Variants in TFEB observed in about 807,000 individuals in gnomAD.
TFEB encodes T-cell transcription factor EB.
Under a neutral mutation model 48.0 loss-of-function variants are expected in TFEB, and 12 were observed. The observed-to-expected ratio is 0.25, with a 90% CI of 0.16 to 0.40. The LOEUF is 0.40. Among genes scored for constraint, TFEB ranks in the 10% least tolerant of loss-of-function variants. TFEB has a pLI of 1.00. For missense variants in TFEB, 509 were observed against 640.3 expected, an observed-to-expected ratio of 0.79 and a Z score of 2.21; for synonymous variants, 244 against 261.4, an observed-to-expected ratio of 0.93 and a Z score of 0.64.
chr6:41,687,272 C>T, intron 6 of TFEB, 103 bp from the exon 7 acceptor site: 2 of 963,592 alleles, frequency 2.1e-6, no homozygotes, highest in Non-Finnish European at 3.3e-6. Flanking sequence ...GGGCAGCCTG[C>T]AGCTTAGATT....
At chr6:41,688,985 C>T (rs778811707) in intron 4 of TFEB, among the ~76,000 whole-genome samples, 2 of 152,226 alleles carry the variant, frequency 1.3e-5, no homozygotes, top group African/African-American at 4.8e-5. Flanking sequence ...GGCAATCCCA[C>T]CTGCCCAGCG....
intron 1 of TFEB, among the ~76,000 whole-genome samples, chr6:41,700,211 A>C (rs1207445040): frequency 1.3e-5 from 2 of 150,706 alleles, no homozygotes; most frequent in Non-Finnish European, 2.9e-5. Context: ...TCACGCCTGT[A>C]ATCCCAGCAC....
rs1315961581 is a variant in TFEB, at chr6:41,734,715, C to G, written c.-23+635G>C. 6.6e-6 allele frequency among the ~76,000 whole-genome samples: 1 copy of G among 151,028 alleles called. No homozygotes were observed. ...GGGAGAAAGAGACTGCCCAGGGACT[C>G]GAGGGGACGGGGCCAGGGGCGGCTT... is the stretch of plus-strand genomic sequence containing the variant. On this transcript the variant is annotated intron_variant, in intron 1 of 8. Transcript: ENST00000373033. This position sits in a 1 kb window ranked among gnomAD's most constrained non-coding sequence, Gnocchi z 4.0.
intron 1 of TFEB, among the ~76,000 whole-genome samples, chr6:41,702,443 G>A (rs1160408543): frequency 6.6e-6 from 1 of 152,222 alleles, no homozygotes; most frequent in African/African-American, 2.4e-5. Context: ...AGGGTTGGGG[G>A]AGGAGTGGGA....
At chr6:41,733,579 C>A in intron 1 of TFEB, 2 of 981,418 alleles carry the variant, frequency 2.0e-6, no homozygotes, top group Non-Finnish European at 2.4e-6. Flanking sequence ...CCGGGCCCCG[C>A]GGCCAGGAGG....
At chr6:41,685,136 C>A (rs1348901899) in intron 8 of TFEB, 58 bp from the exon 9 acceptor site, 2 of 1,380,252 alleles carry the variant, frequency 1.4e-6, no homozygotes, top group African/African-American at 1.5e-5. Flanking sequence ...GCCACCAGGA[C>A]CCCTCCCCTG....
In TFEB at chr6:41,735,504, CCGCCGCCGTCGG is replaced by C. The variant is rs971224540; in HGVS notation, c.-189_-178del. 1.8e-4 allele frequency: 176 copies of C among 984,656 alleles called. 1 individual carries two copies. In the African/African-American group the frequency reaches 2.6e-3, roughly 15 times the overall value. The allele number at this position is 984,656 out of a possible 1,614,324, so 61.0% of individuals were successfully genotyped here. A position where few individuals can be genotyped will look rare whatever the true frequency, so the allele number is the denominator to read the frequency against. On this transcript the variant is annotated 5_prime_UTR_variant, in exon 1 of 9. Coordinates refer to ENST00000373033, the MANE Select transcript of TFEB (RefSeq NM_001271944.2). ...GGGAGGCCCGCCCCGTCCGCCCTTC[CCGCCGCCGTCGG>C]CGCCGCGGCCGCTCCCTGCGTCCCG... is the stretch of plus-strand genomic sequence containing the variant.
rs1771059916 is a variant in TFEB, at chr6:41,723,282, T to C, written c.-23+12068A>G. Among the ~76,000 whole-genome samples the C allele has an allele frequency of 7.0e-6, 1 of 143,388 alleles. No homozygotes were observed. Among genetic ancestry groups the C allele is most frequent in the African/African-American group, 2.6e-5 (1 of 37,794 alleles). The allele number at this position is 143,388 out of a possible 152,430, so 94.1% of individuals were successfully genotyped here. A position where few individuals can be genotyped will look rare whatever the true frequency, so the allele number is the denominator to read the frequency against. On this transcript the variant is annotated intron_variant, in intron 1 of 8. Coordinates refer to ENST00000373033, the MANE Select transcript of TFEB (RefSeq NM_001271944.2). The surrounding 1 kb of genome is among the most constrained non-coding windows in gnomAD (Gnocchi z 6.0). The stretch of plus-strand genomic sequence containing the variant: ...AGACCCCCACCCCTCCCCAAAGACA[T>C]CCCAATGCCAGTGCAGCCTGAGGGG...
intron 1 of TFEB, among the ~76,000 whole-genome samples, chr6:41,714,688 C>T: frequency 6.6e-6 from 1 of 152,192 alleles, no homozygotes; most frequent in Non-Finnish European, 1.5e-5. Flanking sequence ...AGGGGACCCC[C>T]ATCCCGAGGG....
At chr6:41,725,748 A>T (rs994609024) in intron 1 of TFEB, among the ~76,000 whole-genome samples, 9 of 152,248 alleles carry the variant, frequency 5.9e-5, no homozygotes, top group Non-Finnish European at 1.0e-4. Context: ...GTCAGCAAAC[A>T]TACCCCAAAA....
chr6:41,701,294 G>A (rs890194940), intron 1 of TFEB, among the ~76,000 whole-genome samples: 7 of 152,292 alleles, frequency 4.6e-5, no homozygotes, highest in African/African-American at 1.7e-4. Flanking sequence ...CCCTGCACCC[G>A]CCTCCTGGGC....
intron 8 of TFEB, among the ~76,000 whole-genome samples, chr6:41,685,358 A>G (rs45464392): frequency 0.014 from 2,105 of 152,350 alleles, 48 homozygotes; most frequent in African/African-American, 0.047. Flanking sequence ...CTAGACTAGA[A>G]TAGAAATTAT....
chr6:41,733,082 T>C (rs2127280550), intron 1 of TFEB: 3 of 983,394 alleles, frequency 3.1e-6, no homozygotes, highest in Non-Finnish European at 3.6e-6. Context: ...GCAATTACAG[T>C]CATAAACAGA....
At chr6:41,717,946 T>A (rs560404292) in intron 1 of TFEB, among the ~76,000 whole-genome samples, 2 of 152,066 alleles carry the variant, frequency 1.3e-5, no homozygotes, top group African/African-American at 4.8e-5. Flanking sequence ...TACCCTAGAG[T>A]ATATATCATG....
rs543007184 is a variant in TFEB at position 41,724,689 on chromosome 6, C to T, written c.-23+10661G>A. 4.7e-4 allele frequency among the ~76,000 whole-genome samples: 72 copies of T among 152,212 alleles called. No individual in the cohort carries two copies. The highest frequency in any genetic ancestry group is 8.4e-4 in the Non-Finnish European group (57 of 68,036). On this transcript the variant is annotated intron_variant, in intron 1 of 8. Coordinates refer to ENST00000373033, the MANE Select transcript of TFEB (RefSeq NM_001271944.2). This position sits in a 1 kb window ranked among gnomAD's most constrained non-coding sequence, Gnocchi z 4.4. ...CATGATAAATACCTCTTATCACCCC[C>T]ACAACCTTGGACTCCCATCCAGCTA...
At chr6:41,722,474 G>A (rs1211464750) in intron 1 of TFEB, among the ~76,000 whole-genome samples, 1 of 152,214 alleles carries the variant, frequency 6.6e-6, no homozygotes, top group Admixed American at 6.5e-5. Context: ...AGGGGCAGGG[G>A]TGTGGGTGAG....
chr6:41,701,520 A>AC (rs1186955998), intron 1 of TFEB, among the ~76,000 whole-genome samples: 1 of 152,108 alleles, frequency 6.6e-6, no homozygotes, highest in Non-Finnish European at 1.5e-5. Context: ...CTCAGTTATC[A>AC]CCCACTTGGC....
Position 41,723,219 on chromosome 6 carries a change from C to A in TFEB, c.-23+12131G>T, listed in dbSNP as rs575855592. Among the ~76,000 whole-genome samples, 1 of 152,166 alleles carries A rather than the reference C, an allele frequency of 6.6e-6. No homozygotes were observed. Among genetic ancestry groups the A allele is most frequent in the Non-Finnish European group, 1.5e-5 (1 of 67,982 alleles). On this transcript the variant is annotated intron_variant, in intron 1 of 8. Coordinates refer to ENST00000373033, the MANE Select transcript of TFEB (RefSeq NM_001271944.2). The surrounding 1 kb of genome is among the most constrained non-coding windows in gnomAD (Gnocchi z 6.0). ...ACTCCAGAGCTTGGCCACCTTCTTC[C>A]CCATTCTTTCCCTCACCCCAGCCTT...
intron 1 of TFEB, among the ~76,000 whole-genome samples, chr6:41,729,097 C>CCGCCT (rs1771343817): frequency 6.6e-6 from 1 of 152,070 alleles, no homozygotes; most frequent in South Asian, 2.1e-4. Flanking sequence ...ACTCCCGGCC[C>CCGCCT]CGCCTCGCCT....
Sources: allele counts gnomAD v4.1 joint callset (sites outside exome capture counted in the v4.1 genomes callset), GRCh38; gene constraint gnomAD v4.1.1; non-coding constraint Gnocchi (gnomAD v3.1); transcripts MANE v1.5; gene names NCBI Gene and HGNC (gene_info 2026-07-23, HGNC 2026-07-21).